Variants in ENTPD8 observed in about 807,000 individuals in gnomAD.
ENTPD8 encodes the protein E-NTPDase 8.
In ENTPD8, 35 loss-of-function variants were observed where a neutral mutation model predicts 47.0. That is an observed-to-expected ratio of 0.75 (90% CI 0.57 to 0.99). The LOEUF (loss-of-function observed/expected upper bound fraction) is 0.99. Among genes scored for constraint, ENTPD8 ranks in the 50% least tolerant of loss-of-function variants. ENTPD8 has a pLI of 0.00. For synonymous variants in ENTPD8, 308 were observed against 290.5 expected (o/e 1.06, Z -0.61); for missense variants, 668 against 649.9 (o/e 1.03, Z -0.30).
rs769682722 is a variant in ENTPD8 at position 137,436,706 on chromosome 9, C to T, written c.601G>A (p.Val201Met). Residue 201 changes from valine to methionine, a missense_variant, in exon 6 of 10, where the codon GTG (valine) becomes ATG (methionine). Val to Met is a conservative substitution (Grantham distance 21). Transcript: ENST00000371506. The stretch of plus-strand genomic sequence containing the variant: ...GCCCCTCCCATGTCCAGGGCACCCA[C>T]CAGCATCTCCTCCGGAGGCTGGATC... ...EWIQPPEEML[V>M]GALDMGGAST... 4 of 1,598,960 alleles carry T rather than the reference C, an allele frequency of 2.5e-6. No individual in the cohort carries two copies. The highest frequency in any genetic ancestry group is 2.3e-5 in the East Asian group (1 of 44,290).
chr9:137,436,721 G>A lies in ENTPD8; in HGVS notation c.586C>T (p.Pro196Ser). 2 of 1,601,254 alleles carry A rather than the reference G, an allele frequency of 1.2e-6. No homozygotes were observed. The highest frequency in any genetic ancestry group is 1.7e-5 in the Admixed American group (1 of 57,802). ...YSFTGEWIQP[P>S]EEMLVGALDM... ...AGGGCACCCACCAGCATCTCCTCCG[G>A]AGGCTGGATCCATTCTCCAGTGAAG... The change falls in exon 6 of 10, where the codon CCG (proline) becomes TCG (serine). Residue 196 changes from proline to serine, a missense_variant. By Grantham distance (74) the Pro-to-Ser change is moderately conservative (BLOSUM62 -1). Transcript: ENST00000371506.
chr9:137,437,837 A>C, intron 3 of ENTPD8, 130 bp downstream of exon 3: 1 of 831,614 alleles, frequency 1.2e-6, no homozygotes. Flanking sequence ...GCTCCGGCCC[A>C]GCACCCATGC....
At position 137,436,572 on chromosome 9, in the gene ENTPD8, C is replaced by T. The variant is rs764350054; in HGVS notation, c.735G>A (p.Leu245=). Residue 245 remains leucine, a synonymous_variant, in exon 6 of 10, where the codon CTG becomes CTA. Transcript: ENST00000371506. ...TCAGCATCTGGTCCCGTCCAAAGCACAGGTAGCTGTGAGTGTAGACGCTGT... is the reference window on the plus strand; with the variant it reads ...TCAGCATCTGGTCCCGTCCAAAGCATAGGTAGCTGTGAGTGTAGACGCTGT... ...SDYSVYTHSY[L]CFGRDQMLSR... is the part of the protein sequence containing the mutation. 7 of 1,612,104 alleles carry T rather than the reference C, an allele frequency of 4.3e-6. No individual in the cohort carries two copies. The South Asian group carries it at 6.6e-5, about 15-fold the overall frequency.
At chr9:137,435,481 C>T in intron 8 of ENTPD8, 143 bp from the exon 9 acceptor site, 2 of 1,390,594 alleles carry the variant, frequency 1.4e-6, no homozygotes, top group Non-Finnish European at 1.9e-6. Context: ...CCTGGCCCCA[C>T]CGACCAGTTA....
rs551387834 is a variant in ENTPD8 at position 137,438,637 on chromosome 9, C to G, written c.-20-332G>C. Among the ~76,000 whole-genome samples the G allele has an allele frequency of 1.4e-4, 21 of 148,552 alleles. No homozygotes were observed. The highest frequency in any genetic ancestry group is 2.7e-4 in the Admixed American group (4 of 14,980). ...TGGCCATAGAGGCATCCCCGGGGCT[C>G]AGACGGTCTCCCGTGGCCATAGAGG... On this transcript the variant is annotated intron_variant, in intron 1 of 9. Transcript: ENST00000371506. This position sits in a 1 kb window ranked among gnomAD's most constrained non-coding sequence, Gnocchi z 5.7.
Position 137,437,320 on chromosome 9 carries a change from A to T in ENTPD8, c.245-11T>A. ...AGGAGATTCCAGGCCCTGGAACAGC[A>T]GCCGGGGACAGAGCTCCAGACCCCG... On this transcript the variant is annotated splice_polypyrimidine_tract_variant and intron_variant, in intron 3 of 9. Coordinates refer to ENST00000371506, the MANE Select transcript of ENTPD8 (RefSeq NM_001033113.2). 6.2e-7 allele frequency: 1 copy of T among 1,605,736 alleles called. No individual in the cohort carries two copies. Among genetic ancestry groups the T allele is most frequent in the South Asian group, 1.1e-5 (1 of 90,536 alleles).
intron 3 of ENTPD8, 112 bp downstream of exon 3, chr9:137,437,855 G>T: frequency 1.0e-6 from 1 of 980,160 alleles, no homozygotes; most frequent in Non-Finnish European, 1.5e-6. Context: ...TGCCCGGCGT[G>T]TGAGCTCAGC....
rs922537416 is a variant in ENTPD8 at position 137,438,833 on chromosome 9, T to A, written c.-20-528A>T. 1.2e-4 allele frequency among the ~76,000 whole-genome samples: 18 copies of A among 152,004 alleles called. No individual in the cohort carries two copies. Among genetic ancestry groups the A allele is most frequent in the Admixed American group, 5.9e-4 (9 of 15,282 alleles). On this transcript the variant is annotated intron_variant, in intron 1 of 9. Transcript: ENST00000371506. The surrounding 1 kb of genome is among the most constrained non-coding windows in gnomAD (Gnocchi z 5.7). ...ATCCAAGTAGCCCCCTCGGACCCCC[T>A]CGGATGGGACTCGCGGAGCTGCCCC...
At chr9:137,439,254 C>T (rs114198953) in intron 1 of ENTPD8, among the ~76,000 whole-genome samples, 1,525 of 152,238 alleles carry the variant, frequency 0.01, 29 homozygotes, top group African/African-American at 0.034. Context: ...GCCCTGTGGC[C>T]GAGGTGTCCA....
Position 137,436,327 on chromosome 9 carries a change from GC to G in ENTPD8, c.787-52del, listed in dbSNP as rs1207137916. 3.3e-6 allele frequency: 5 copies of G among 1,493,166 alleles called. No individual in the cohort carries two copies. In the Admixed American group the frequency reaches 1.2e-4, roughly 35 times the overall value. 92.5% of individuals were successfully genotyped at this position (1,493,166 alleles called of 1,614,324 possible). A position where few individuals can be genotyped will look rare whatever the true frequency, so the allele number is the denominator to read the frequency against. The stretch of plus-strand genomic sequence containing the variant: ...ACCAGCCGCACACCTGCGGCCCTGT[GC>G]CCCTCCCCGGGGCCGGATGACCCAC... On this transcript the variant is annotated intron_variant, in intron 6 of 9. Transcript: ENST00000371506.
chr9:137,437,396 C>T (rs1839400344), intron 3 of ENTPD8, 87 bp from the exon 4 acceptor site: 2 of 1,494,974 alleles, frequency 1.3e-6, no homozygotes, highest in East Asian at 2.3e-5. Context: ...CACCTCATGC[C>T]CCCTGGTGCA....
intron 7 of ENTPD8, 65 bp from the exon 8 acceptor site, chr9:137,435,894 G>C (rs995961396): frequency 3.9e-5 from 63 of 1,604,726 alleles, no homozygotes; most frequent in African/African-American, 6.7e-5. Flanking sequence ...CACCCCACCC[G>C]GGCTCCCAGA....
At position 137,438,003 on chromosome 9, in the gene ENTPD8, C is replaced by T. The variant is rs1839416119; in HGVS notation, c.208G>A (p.Gly70Ser). Residue 70 changes from glycine to serine, a missense_variant, in exon 3 of 10, where the codon GGT (glycine) becomes AGT (serine). Gly to Ser is a moderately conservative substitution (Grantham distance 56, BLOSUM62 0). Coordinates refer to ENST00000371506, the MANE Select transcript of ENTPD8 (RefSeq NM_001033113.2). The surrounding 1 kb of genome is among the most constrained non-coding windows in gnomAD (Gnocchi z 5.7). ...QWLANKENGT[G>S]VVSQALACQV... Reference sequence around the variant, plus strand: ...CAGGCCAGGGCCTGGCTGACCACACCCGTGCCATTCTCCTTGTTCGCCAGC... The same window carrying T: ...CAGGCCAGGGCCTGGCTGACCACACTCGTGCCATTCTCCTTGTTCGCCAGC... 3 of 1,612,834 alleles carry T rather than the reference C, an allele frequency of 1.9e-6. No homozygotes were observed. The highest frequency in any genetic ancestry group is 2.5e-6 in the Non-Finnish European group (3 of 1,179,898).
At chr9:137,435,868 C>T (rs370254887) in intron 7 of ENTPD8, 39 bp from the exon 8 acceptor site, 1 of 1,608,088 alleles carries the variant, frequency 6.2e-7, no homozygotes, top group Non-Finnish European at 8.5e-7. Context: ...TCGCTGTGGC[C>T]ACGCTGGGCC....
intron 8 of ENTPD8, 74 bp downstream of exon 8, chr9:137,435,645 C>T: frequency 4.2e-6 from 6 of 1,424,850 alleles, no homozygotes; most frequent in Non-Finnish European, 5.9e-6. Context: ...GAATGAGGCT[C>T]CAGCATCCTG....
chr9:137,436,968 C>G lies in ENTPD8; in HGVS notation c.456G>C (p.Arg152=). ...IFAAVTQVLG[R]SPVDFWGAEL... Reference sequence around the variant, plus strand: ...CGGCACCCCAAAAGTCCACGGGAGACCGGCCCAGGACCTGGGTGACTGCTG... The same window carrying G: ...CGGCACCCCAAAAGTCCACGGGAGAGCGGCCCAGGACCTGGGTGACTGCTG... The change falls in exon 5 of 10, where the codon CGG becomes CGC. Residue 152 remains arginine, a synonymous_variant. Coordinates refer to ENST00000371506, the MANE Select transcript of ENTPD8 (RefSeq NM_001033113.2). The G allele has an allele frequency of 6.2e-7, 1 of 1,613,020 alleles. No homozygotes were observed. The highest frequency in any genetic ancestry group is 8.5e-7 in the Non-Finnish European group (1 of 1,179,970).
chr9:137,435,858 TCGCTGTGGCCA>T, intron 7 of ENTPD8, 29 bp from the exon 8 acceptor site: 1 of 1,609,650 alleles, frequency 6.2e-7, no homozygotes, highest in Non-Finnish European at 8.5e-7. Flanking sequence ...GGCTGTGCCT[TCGCTGTGGCCA>T]CGCTGGGCCA....
Position 137,436,911 on chromosome 9 carries a change from A to G in ENTPD8, c.513T>C (p.Phe171=), listed in dbSNP as rs769916036. Residue 171 remains phenylalanine (F), a synonymous_variant, in exon 5 of 10, where the codon TTT becomes TTC. Coordinates refer to ENST00000371506, the MANE Select transcript of ENTPD8 (RefSeq NM_001033113.2). ...AGCCGTAGTTGACAGTGATCCAACCAAAGGCACCTTCGGCCTGCCCGGCCA... is the reference window on the plus strand; with the variant it reads ...AGCCGTAGTTGACAGTGATCCAACCGAAGGCACCTTCGGCCTGCCCGGCCA... The part of the protein sequence containing the change: ...ELLAGQAEGA[F]GWITVNYGLG... 6.2e-7 allele frequency: 1 copy of G among 1,613,076 alleles called. No homozygotes were observed. The highest frequency in any genetic ancestry group is 8.5e-7 in the Non-Finnish European group (1 of 1,179,958).
chr9:137,434,451 G>A lies in ENTPD8; in HGVS notation c.*463C>T. The A allele has an allele frequency of 7.0e-7, 1 of 1,420,846 alleles. No individual in the cohort carries two copies. Among genetic ancestry groups the A allele is most frequent in the Non-Finnish European group, 9.5e-7 (1 of 1,057,664 alleles). The allele number at this position is 1,420,846 out of a possible 1,614,324, so 88.0% of individuals were successfully genotyped here. ...TGTGGGAGGCCGGGCTGGCCCAGCA[G>A]AAGCCCCCAGGCCTGGACTCCATCC... On this transcript the variant is annotated 3_prime_UTR_variant, in exon 10 of 10. Transcript: ENST00000371506.
Sources: allele counts gnomAD v4.1 joint callset (sites outside exome capture counted in the v4.1 genomes callset), GRCh38; gene constraint gnomAD v4.1.1; non-coding constraint Gnocchi (gnomAD v3.1); transcripts MANE v1.5; gene names NCBI Gene and HGNC (gene_info 2026-07-23, HGNC 2026-07-21).